The following CAB39L variants were observed in gnomAD, a reference collection of about 807,000 sequenced individuals.
CAB39L encodes calcium binding protein 39 like.
CAB39L carries 23 observed loss-of-function variants against 39.1 expected under a neutral mutation model. The observed-to-expected ratio is 0.59, with a 90% confidence interval of 0.42 to 0.83. The LOEUF (loss-of-function observed/expected upper bound fraction) is 0.83, where lower values mean the gene tolerates loss of function less well. Among genes scored for constraint, CAB39L ranks in the 40% least tolerant of loss-of-function variants. CAB39L has a pLI of 0.00. For missense variants in CAB39L, 366 were observed against 391.9 expected (o/e 0.93, Z 0.56); for synonymous variants, 126 against 137.2 (o/e 0.92, Z 0.57).
intron 10 of CAB39L, among the ~76,000 whole-genome samples, chr13:49,328,570 G>A (rs1397093758): frequency 1.3e-5 from 2 of 152,018 alleles, no homozygotes; most frequent in Admixed American, 6.5e-5. Flanking sequence ...TGGGTATGGT[G>A]GTTCATACCC....
At chr13:49,319,343 AAG>A (rs1954282150) in intron 10 of CAB39L, among the ~76,000 whole-genome samples, 1 of 152,194 alleles carries the variant, frequency 6.6e-6, no homozygotes, top group African/African-American at 2.4e-5. Flanking sequence ...CACCACACAA[AAG>A]GCCACACACT....
chr13:49,389,473 T>A (rs952681272), intron 3 of CAB39L, among the ~76,000 whole-genome samples: 5 of 152,030 alleles, frequency 3.3e-5, no homozygotes, highest in African/African-American at 1.2e-4. Context: ...AAACCCCGTC[T>A]CCACAAAAAA....
At chr13:49,384,806 AATAT>A (rs1197923018) in intron 3 of CAB39L, among the ~76,000 whole-genome samples, 4 of 152,178 alleles carry the variant, frequency 2.6e-5, no homozygotes, top group Non-Finnish European at 5.9e-5. Context: ...TTTTCAAAGG[AATAT>A]TTTATTCTGA....
At chr13:49,385,944 G>GAA (rs11400680) in intron 3 of CAB39L, among the ~76,000 whole-genome samples, 4 of 152,120 alleles carry the variant, frequency 2.6e-5, no homozygotes, top group East Asian at 1.9e-4. Flanking sequence ...ACATGCTGGT[G>GAA]AAAAAAATGG....
intron 7 of CAB39L, among the ~76,000 whole-genome samples, chr13:49,344,521 A>ATTTTT (rs369905242): frequency 4.4e-5 from 6 of 135,990 alleles, no homozygotes; most frequent in East Asian, 2.2e-4. Context: ...AGATGAGTTA[A>ATTTTT]TTTTTTTTTT....
intron 10 of CAB39L, among the ~76,000 whole-genome samples, chr13:49,321,211 T>C (rs1481194354): frequency 6.6e-6 from 1 of 152,226 alleles, no homozygotes; most frequent in East Asian, 1.9e-4. Flanking sequence ...ATGTGCAGCA[T>C]TTTTTTCTTG....
chr13:49,367,204 T>C (rs1955798947), intron 5 of CAB39L, among the ~76,000 whole-genome samples: 1 of 151,986 alleles, frequency 6.6e-6, no homozygotes, highest in African/African-American at 2.4e-5. Context: ...AGAAAATGGC[T>C]AAAAGACATG....
At chr13:49,335,812 T>C (rs895936231) in intron 9 of CAB39L, among the ~76,000 whole-genome samples, 5 of 152,196 alleles carry the variant, frequency 3.3e-5, no homozygotes, top group African/African-American at 1.2e-4. Flanking sequence ...CTGTTAATTA[T>C]TTTTTATTGA....
intron 3 of CAB39L, among the ~76,000 whole-genome samples, chr13:49,403,834 C>T (rs995473575): frequency 6.6e-6 from 1 of 151,778 alleles, no homozygotes; most frequent in Non-Finnish European, 1.5e-5. Context: ...AGATGAATAG[C>T]AGACTGCACA....
chr13:49,317,643 G>C (rs1291887952), intron 10 of CAB39L, among the ~76,000 whole-genome samples: 1 of 152,166 alleles, frequency 6.6e-6, no homozygotes, highest in East Asian at 1.9e-4. Flanking sequence ...ATCAATCAAA[G>C]ACCTAAATAT....
At chr13:49,420,044 T>C (rs963669458) in intron 3 of CAB39L, among the ~76,000 whole-genome samples, 6 of 152,190 alleles carry the variant, frequency 3.9e-5, no homozygotes, top group African/African-American at 1.4e-4. Context: ...ATAAGAAATA[T>C]TATATTAAAC....
intron 3 of CAB39L, among the ~76,000 whole-genome samples, chr13:49,403,412 A>G (rs914347882): frequency 6.6e-6 from 1 of 152,124 alleles, no homozygotes; most frequent in Admixed American, 6.5e-5. Flanking sequence ...CTAGCACACA[A>G]TAACGTAAAA....
chr13:49,428,725 T>A (rs1191578954), intron 3 of CAB39L, among the ~76,000 whole-genome samples: 1 of 152,146 alleles, frequency 6.6e-6, no homozygotes, highest in African/African-American at 2.4e-5. Context: ...CTGAAGAGAA[T>A]AAAACAGTTA....
At chr13:49,372,260 T>C (rs1396283123) in intron 5 of CAB39L, among the ~76,000 whole-genome samples, 2 of 152,192 alleles carry the variant, frequency 1.3e-5, no homozygotes, top group East Asian at 3.8e-4. Context: ...GCTGAAATGG[T>C]TCTTTTCTGT....
chr13:49,313,749 G>A (rs1358493078), intron 10 of CAB39L, among the ~76,000 whole-genome samples: 1 of 152,150 alleles, frequency 6.6e-6, no homozygotes, highest in Non-Finnish European at 1.5e-5. Flanking sequence ...TGGTGTGATG[G>A]TCTGGCCTCC....
intron 10 of CAB39L, among the ~76,000 whole-genome samples, chr13:49,330,915 C>T (rs1954672327): frequency 6.6e-6 from 1 of 151,922 alleles, no homozygotes; most frequent in Non-Finnish European, 1.5e-5. Context: ...AAGAAATATA[C>T]CCAATGATAC....
chr13:49,421,755 C>A (rs545241173), intron 3 of CAB39L, among the ~76,000 whole-genome samples: 19 of 152,170 alleles, frequency 1.2e-4, no homozygotes, highest in Non-Finnish European at 2.2e-4. Context: ...CAGTAACAAG[C>A]AAACCCCCTC....
intron 5 of CAB39L, among the ~76,000 whole-genome samples, chr13:49,365,547 C>T (rs901729884): frequency 5.3e-5 from 8 of 152,160 alleles, no homozygotes; most frequent in Non-Finnish European, 1.2e-4. Flanking sequence ...TGAAAAGGTG[C>T]TCAACATCAC....
At position 49,310,354 on chromosome 13, in the gene CAB39L, T is replaced by A. The variant is rs1953950181; in HGVS notation, c.*460A>T. 6.4e-6 allele frequency: 1 copy of A among 156,210 alleles called. No individual in the cohort carries two copies. Among genetic ancestry groups the A allele is most frequent in the Non-Finnish European group, 1.4e-5 (1 of 70,504 alleles). The allele number at this position is 156,210 out of a possible 1,614,324, so 9.7% of individuals were successfully genotyped here. A position where few individuals can be genotyped will look rare whatever the true frequency, so the allele number is the denominator to read the frequency against. ...GCAGCAACAAAGGACACACAATGAC[T>A]GAAAACATTAACGTTACCTTCTGGG... On this transcript the variant is annotated 3_prime_UTR_variant, in exon 11 of 11. Transcript: ENST00000409308.
Sources: gnomAD v4.1 joint callset for allele counts (sites outside exome capture counted in the v4.1 genomes callset) on GRCh38, gnomAD v4.1.1 for gene constraint, MANE v1.5 for transcripts, NCBI Gene and HGNC (gene_info 2026-07-23, HGNC 2026-07-21) for gene names.